STOML3: variants seen among roughly 807,000 people sequenced by gnomAD.
The protein encoded by STOML3 is stomatin like 3.
STOML3 carries 31 observed loss-of-function variants against 29.5 expected under a neutral mutation model. That is an observed-to-expected ratio of 1.05 (90% confidence interval 0.79 to 1.42). STOML3 has a LOEUF of 1.42. Ranked by LOEUF, STOML3 falls within the 40% of genes most tolerant of loss-of-function variation. The pLI is 0.00. For synonymous variants in STOML3, 122 were observed against 139.8 expected, an observed-to-expected ratio of 0.87 and a Z score of 0.90; for missense variants, 380 against 363.0, an observed-to-expected ratio of 1.05 and a Z score of -0.38.
chr13:38,985,851 T>C (rs1461511661), intron 1 of STOML3, among the ~76,000 whole-genome samples: 1 of 150,050 alleles, frequency 6.7e-6, no homozygotes, highest in Non-Finnish European at 1.5e-5. Flanking sequence ...GAAAAAATTT[T>C]GGAAGAATAT....
Position 38,970,172 on chromosome 13 carries a change from A to G in STOML3, c.516+13T>C, listed in dbSNP as rs752337659. 2.0e-5 allele frequency: 32 copies of G among 1,606,010 alleles called. No individual in the cohort carries two copies. The East Asian group carries it at 6.9e-4, about 35-fold the overall frequency. On this transcript the variant is annotated intron_variant, in intron 5 of 6. Coordinates refer to ENST00000379631, the MANE Select transcript of STOML3 (RefSeq NM_145286.3). Reference sequence around the variant, plus strand: ...AGTTAAAGATACAGGCTATTAGTTCATGGTGTCTTTACCTGGATGCTATGG... The same window carrying G: ...AGTTAAAGATACAGGCTATTAGTTCGTGGTGTCTTTACCTGGATGCTATGG...
chr13:38,967,638 C>T (rs1358274360), intron 6 of STOML3, among the ~76,000 whole-genome samples: 3 of 152,172 alleles, frequency 2.0e-5, no homozygotes, highest in Admixed American at 2.0e-4. Context: ...TCATCTGTGG[C>T]CATCTGCCTG....
intron 1 of STOML3, among the ~76,000 whole-genome samples, chr13:38,988,312 A>AAAATG (rs1868752148): frequency 1.4e-5 from 1 of 71,142 alleles, no homozygotes; most frequent in African/African-American, 7.7e-5. Context: ...TATTTTATAT[A>AAAATG]TAATATATTA....
Position 38,990,623 on chromosome 13 carries a change from T to C in STOML3, c.52+47A>G, listed in dbSNP as rs749471214. ...GTCTATAATGCTACAACTCCTGCTT[T>C]GCCATATATGTAAAAAACAAGCCTA... On this transcript the variant is annotated intron_variant, in intron 1 of 6. Coordinates refer to ENST00000379631, the MANE Select transcript of STOML3 (RefSeq NM_145286.3). 2.0e-5 allele frequency: 32 copies of C among 1,595,546 alleles called. No homozygotes were observed. The East Asian group carries it at 6.9e-4, about 35-fold the overall frequency.
Position 38,980,097 on chromosome 13 carries a change from C to T in STOML3, c.53-3300G>A, listed in dbSNP as rs150607279. 4.9e-4 allele frequency: 766 copies of T among 1,551,668 alleles called. 8 individuals carry two copies. The African/African-American group carries it at 9.3e-3, about 19-fold the overall frequency. On this transcript the variant is annotated intron_variant, in intron 1 of 6. Transcript: ENST00000379631. ...TTCATCAAGCCCTTGCATCATTACA[C>T]GTGCACATGAGGCTCAGCTCCATTA...
chr13:38,967,095 ATAAC>A, intron 6 of STOML3, 46 bp from the exon 7 acceptor site: 1 of 1,551,706 alleles, frequency 6.4e-7, no homozygotes, highest in East Asian at 2.3e-5. Flanking sequence ...AGTTTACACT[ATAAC>A]TAGTTCTTTC....
intron 3 of STOML3, among the ~76,000 whole-genome samples, chr13:38,975,225 G>T (rs748950009): frequency 1.2e-4 from 18 of 151,742 alleles, no homozygotes; most frequent in Non-Finnish European, 1.3e-4. Flanking sequence ...GGAGGCTAAG[G>T]TGAGAAAATC....
chr13:38,970,092 TG>T (rs1284023025), intron 5 of STOML3, 92 bp downstream of exon 5: 25 of 1,153,526 alleles, frequency 2.2e-5, no homozygotes, highest in Non-Finnish European at 3.0e-5. Context: ...ATGCATGTGG[TG>T]GGGGATGCTT....
chr13:38,985,911 C>CTTTTTTTTTTTTTTTT (rs1170409048), intron 1 of STOML3, among the ~76,000 whole-genome samples: 12 of 85,606 alleles, frequency 1.4e-4, no homozygotes, highest in African/African-American at 1.8e-4. Context: ...TCTTTTCTTT[C>CTTTTTTTTTTTTTTTT]TTTTTTTTTT....
intron 1 of STOML3, chr13:38,980,019 G>C (rs757030214): frequency 4.3e-5 from 67 of 1,546,160 alleles, no homozygotes; most frequent in Non-Finnish European, 5.8e-5. Context: ...AGCTGCACAA[G>C]CAAGTGTTTG....
chr13:38,978,588 C>T (rs1881174140), intron 1 of STOML3, among the ~76,000 whole-genome samples: 1 of 152,158 alleles, frequency 6.6e-6, no homozygotes, highest in African/African-American at 2.4e-5. Flanking sequence ...TATCCCCAGC[C>T]AGCTCACCCT....
intron 1 of STOML3, among the ~76,000 whole-genome samples, chr13:38,988,457 C>A (rs1295444365): frequency 5.4e-5 from 1 of 18,408 alleles, no homozygotes; most frequent in African/African-American, 2.8e-4. Context: ...TATTTTATAT[C>A]ATATATTTTA....
chr13:38,980,239 G>A (rs1196314154), intron 1 of STOML3: 1 of 1,099,498 alleles, frequency 9.1e-7, no homozygotes, highest in African/African-American at 1.6e-5. Flanking sequence ...TGGAGCCTGG[G>A]GGTCTCATTA....
At chr13:38,980,819 GTCTT>G (rs1252784749) in intron 1 of STOML3, among the ~76,000 whole-genome samples, 3 of 147,234 alleles carry the variant, frequency 2.0e-5, no homozygotes, top group African/African-American at 8.1e-5. Context: ...CAATGCCTTG[GTCTT>G]TCTTTATGCA....
intron 5 of STOML3, among the ~76,000 whole-genome samples, chr13:38,969,538 A>T (rs994188769): frequency 6.6e-6 from 1 of 152,218 alleles, no homozygotes; most frequent in Non-Finnish European, 1.5e-5. Flanking sequence ...ACTAGAGGAG[A>T]GGCCAAGAAG....
chr13:38,978,559 C>T (rs1881172650), intron 1 of STOML3, among the ~76,000 whole-genome samples: 1 of 152,156 alleles, frequency 6.6e-6, no homozygotes, highest in Non-Finnish European at 1.5e-5. Flanking sequence ...ATTCTCCATA[C>T]ACAAGCACTA....
chr13:38,972,386 G>C, intron 4 of STOML3, 126 bp downstream of exon 4: 1 of 843,468 alleles, frequency 1.2e-6, no homozygotes, highest in Middle Eastern at 2.4e-4. Context: ...ATTCAAGCAG[G>C]TCTCTGCGGG....
chr13:38,968,275 A>G, intron 6 of STOML3, 125 bp downstream of exon 6: 1 of 1,379,384 alleles, frequency 7.2e-7, no homozygotes, highest in Non-Finnish European at 9.7e-7. Flanking sequence ...TCTCAGTAAA[A>G]CTGTGAAAAG....
chr13:38,967,501 G>A (rs1880700200), intron 6 of STOML3, among the ~76,000 whole-genome samples: 1 of 152,134 alleles, frequency 6.6e-6, no homozygotes, highest in Non-Finnish European at 1.5e-5. Flanking sequence ...TACAAACCGA[G>A]AATTGTTTCT....
Sources: gnomAD v4.1 joint callset for allele counts (sites outside exome capture counted in the v4.1 genomes callset) on GRCh38, gnomAD v4.1.1 for gene constraint, MANE v1.5 for transcripts, NCBI Gene and HGNC (gene_info 2026-07-23, HGNC 2026-07-21) for gene names.